The following CDH8 variants were observed in gnomAD, a reference collection of about 807,000 sequenced individuals.
CDH8 encodes the protein cadherin-8.
In CDH8, 17 loss-of-function variants were observed where a neutral mutation model predicts 68.1. That is an observed-to-expected ratio of 0.25 (90% confidence interval 0.17 to 0.37). CDH8 has a LOEUF of 0.37. CDH8 is among the 10% of genes least tolerant of loss of function. The pLI, the probability that CDH8 is intolerant of heterozygous loss-of-function variation, is 1.00. For synonymous variants in CDH8, 372 were observed against 365.1 expected (o/e 1.02, Z -0.21); for missense variants, 763 against 999.3 (o/e 0.76, Z 3.19).
chr16:61,945,352 A>G (rs1019715255), intron 2 of CDH8, among the ~76,000 whole-genome samples: 2 of 151,582 alleles, frequency 1.3e-5, no homozygotes, highest in Non-Finnish European at 2.9e-5. Context: ...TACTGCTCAG[A>G]GAGACACATG....
intron 7 of CDH8, among the ~76,000 whole-genome samples, chr16:61,807,642 A>G (rs532598484): frequency 1.8e-4 from 28 of 152,290 alleles, no homozygotes; most frequent in Non-Finnish European, 4.0e-4. Context: ...GGGCGTGGTC[A>G]GGAGACAGCC....
chr16:61,908,505 C>T (rs746780939), intron 2 of CDH8, among the ~76,000 whole-genome samples: 30 of 152,224 alleles, frequency 2.0e-4, no homozygotes, highest in Non-Finnish European at 4.3e-4. Flanking sequence ...TTGAAATTGA[C>T]TCATGTTAAC....
intron 10 of CDH8, among the ~76,000 whole-genome samples, chr16:61,668,925 A>G (rs936882500): frequency 6.6e-6 from 1 of 152,068 alleles, no homozygotes; most frequent in Admixed American, 6.6e-5. Flanking sequence ...AGAGTAGTTG[A>G]GCCAAAGAGT....
intron 2 of CDH8, among the ~76,000 whole-genome samples, chr16:61,956,406 C>A (rs561108545): frequency 1.3e-5 from 2 of 152,062 alleles, no homozygotes; most frequent in East Asian, 3.9e-4. Flanking sequence ...ACTCAAATAA[C>A]CACTAACTCC....
chr16:61,917,674 C>G (rs1026413185), intron 2 of CDH8, among the ~76,000 whole-genome samples: 1 of 152,164 alleles, frequency 6.6e-6, no homozygotes, highest in Non-Finnish European at 1.5e-5. Context: ...TTCTATCTCA[C>G]CAGACTCAGG....
chr16:61,895,181 C>T (rs1252766921), intron 3 of CDH8, among the ~76,000 whole-genome samples: 1 of 152,076 alleles, frequency 6.6e-6, no homozygotes, highest in Non-Finnish European at 1.5e-5. Flanking sequence ...AGGCTGACCT[C>T]AAGAGTTCTT....
intron 4 of CDH8, among the ~76,000 whole-genome samples, chr16:61,835,388 CAT>C (rs762856477): frequency 7.2e-5 from 11 of 151,824 alleles, no homozygotes; most frequent in Non-Finnish European, 1.3e-4. Flanking sequence ...TATGGAATAA[CAT>C]ATGAAATCCC....
chr16:61,879,386 C>T (rs1425891368), intron 3 of CDH8, among the ~76,000 whole-genome samples: 1 of 152,172 alleles, frequency 6.6e-6, no homozygotes, highest in East Asian at 1.9e-4. Flanking sequence ...ACTGAAGACA[C>T]ATATCATGTA....
At chr16:62,004,116 G>GA (rs2150598892) in intron 2 of CDH8, among the ~76,000 whole-genome samples, 1 of 152,258 alleles carries the variant, frequency 6.6e-6, no homozygotes, top group South Asian at 2.1e-4. Context: ...TTTTTAAAAA[G>GA]CTTTAATGAC....
chr16:62,032,259 A>G (rs1389645676), intron 1 of CDH8, among the ~76,000 whole-genome samples: 1 of 152,232 alleles, frequency 6.6e-6, no homozygotes, highest in Non-Finnish European at 1.5e-5. Flanking sequence ...GGAACATGAT[A>G]AAAATCTCAG....
intron 4 of CDH8, among the ~76,000 whole-genome samples, chr16:61,847,513 C>T (rs1049461606): frequency 6.9e-6 from 1 of 145,034 alleles, no homozygotes; most frequent in African/African-American, 2.5e-5. Flanking sequence ...GTTAATTAAC[C>T]CCCTTCTGTA....
At chr16:61,837,689 G>C (rs576898134) in intron 4 of CDH8, among the ~76,000 whole-genome samples, 2 of 152,192 alleles carry the variant, frequency 1.3e-5, no homozygotes, top group South Asian at 4.1e-4. Context: ...AAAACAGAGA[G>C]AGTGTTACTT....
chr16:61,652,828 A>C lies in CDH8; in HGVS notation c.*780T>G. ...AAACCATCTGTCTCTTATGTAGTCC[A>C]CTGTGTGATACAGTTTATCTTTGTG... is the stretch of plus-strand genomic sequence containing the variant. On this transcript the variant is annotated 3_prime_UTR_variant, in exon 12 of 12. Transcript: ENST00000577390. 6.7e-7 allele frequency: 1 copy of C among 1,494,058 alleles called. No individual in the cohort carries two copies. Among genetic ancestry groups the C allele is most frequent in the Non-Finnish European group, 8.9e-7 (1 of 1,125,730 alleles). 92.6% of individuals were successfully genotyped at this position (1,494,058 alleles called of 1,614,324 possible). A position where few individuals can be genotyped will look rare whatever the true frequency, so the allele number is the denominator to read the frequency against.
At chr16:61,808,571 A>G (rs1042513939) in intron 7 of CDH8, among the ~76,000 whole-genome samples, 2 of 152,206 alleles carry the variant, frequency 1.3e-5, no homozygotes, top group African/African-American at 2.4e-5. Context: ...AAGGGCTCTA[A>G]GGCAATGATG....
chr16:61,675,795 A>G (rs570086198), intron 10 of CDH8, among the ~76,000 whole-genome samples: 1 of 151,522 alleles, frequency 6.6e-6, no homozygotes, highest in Non-Finnish European at 1.5e-5. Flanking sequence ...GAAATATATT[A>G]TTACATTGCT....
chr16:61,718,762 G>A (rs768515494), intron 9 of CDH8, among the ~76,000 whole-genome samples: 14 of 151,048 alleles, frequency 9.3e-5, no homozygotes, highest in East Asian at 3.9e-4. Flanking sequence ...TTACATATGC[G>A]CATTTATGAG....
intron 2 of CDH8, among the ~76,000 whole-genome samples, chr16:62,002,121 T>C (rs1225853689): frequency 6.6e-6 from 1 of 152,144 alleles, no homozygotes; most frequent in Non-Finnish European, 1.5e-5. Context: ...GTAGAATAAA[T>C]CTATTAATTC....
At chr16:61,801,725 G>C (rs999348073) in intron 7 of CDH8, among the ~76,000 whole-genome samples, 3 of 152,154 alleles carry the variant, frequency 2.0e-5, no homozygotes, top group African/African-American at 4.8e-5. Flanking sequence ...GGAAAATCGG[G>C]TCACTCCCAC....
intron 3 of CDH8, among the ~76,000 whole-genome samples, chr16:61,869,156 C>T (rs1305714446): frequency 1.3e-5 from 2 of 151,930 alleles, no homozygotes; most frequent in Non-Finnish European, 2.9e-5. Context: ...TTCCTTAGTC[C>T]CTTCTTCTCA....
Sources: gnomAD v4.1 joint callset for allele counts (sites outside exome capture counted in the v4.1 genomes callset) on GRCh38, gnomAD v4.1.1 for gene constraint, MANE v1.5 for transcripts, NCBI Gene and HGNC (gene_info 2026-07-23, HGNC 2026-07-21) for gene names.